SEPTIN14: variants seen among roughly 807,000 people sequenced by gnomAD.
SEPTIN14 encodes the protein septin 14, also known as septin-14.
In SEPTIN14, 40 loss-of-function variants were observed where a neutral mutation model predicts 53.6. The ratio of observed to expected loss-of-function variants is 0.75; its 90% CI spans 0.58 to 0.97. The LOEUF (loss-of-function observed/expected upper bound fraction) is 0.97, where lower values mean the gene tolerates loss of function less well. Ranked by LOEUF, SEPTIN14 falls within the 50% of genes least tolerant of loss-of-function variation. The pLI, the probability that SEPTIN14 is intolerant of heterozygous loss-of-function variation, is 0.00. For missense variants in SEPTIN14, 471 were observed against 508.2 expected (o/e 0.93, Z 0.70); for synonymous variants, 138 against 166.8 (o/e 0.83, Z 1.33).
intron 5 of SEPTIN14, among the ~76,000 whole-genome samples, chr7:55,837,677 G>A (rs1218087573): frequency 6.6e-6 from 1 of 152,072 alleles, no homozygotes; most frequent in Non-Finnish European, 1.5e-5. Flanking sequence ...TCTGCCTGCG[G>A]GTTCAAGCAA....
intron 2 of SEPTIN14, among the ~76,000 whole-genome samples, chr7:55,856,821 C>T (rs546692792): frequency 6.6e-6 from 1 of 152,164 alleles, no homozygotes; most frequent in South Asian, 2.1e-4. Flanking sequence ...ACCCATAATC[C>T]CAACACTTCA....
At chr7:55,817,157 C>T (rs558451744) in intron 7 of SEPTIN14, among the ~76,000 whole-genome samples, 5 of 152,166 alleles carry the variant, frequency 3.3e-5, no homozygotes, top group South Asian at 4.1e-4. Flanking sequence ...GGCATATATA[C>T]GCAATGGAAT....
In SEPTIN14 at chr7:55,857,455, AAGGGG is replaced by A. The variant is rs1452141503; in HGVS notation, c.54+4483_54+4487del. On this transcript the variant is annotated intron_variant, in intron 2 of 9. Coordinates refer to ENST00000388975, the MANE Select transcript of SEPTIN14 (RefSeq NM_207366.3). ...AGAAGAGAGAAAAGGAAAGGAAGGG[AAGGGG>A]AGGGGAGGGGAGAGGAAGGGAGGGG... Among the ~76,000 whole-genome samples, 164 of 116,098 alleles carry A rather than the reference AAGGGG, an allele frequency of 1.4e-3. 3 individuals carry two copies. Among genetic ancestry groups the A allele is most frequent in the Non-Finnish European group, 4.7e-4 (27 of 57,308 alleles). 76.2% of individuals were successfully genotyped at this position (116,098 alleles called of 152,430 possible).
chr7:55,795,359 G>T lies in SEPTIN14; in HGVS notation c.*554C>A. Reference sequence around the variant, plus strand: ...GTGTTTCTTTTGTTTTTTCATTTTGGCAAATATTGATTGAAAGTCATATTT... The same window carrying T: ...GTGTTTCTTTTGTTTTTTCATTTTGTCAAATATTGATTGAAAGTCATATTT... On this transcript the variant is annotated 3_prime_UTR_variant, in exon 10 of 10. Transcript: ENST00000388975. 1 of 153,258 alleles carries T rather than the reference G, an allele frequency of 6.5e-6. No individual in the cohort carries two copies. Among genetic ancestry groups the T allele is most frequent in the Non-Finnish European group, 1.5e-5 (1 of 68,878 alleles). 9.5% of individuals were successfully genotyped at this position (153,258 alleles called of 1,614,324 possible).
intron 5 of SEPTIN14, among the ~76,000 whole-genome samples, chr7:55,842,464 A>G (rs1380414051): frequency 6.6e-6 from 1 of 151,688 alleles, no homozygotes; most frequent in Non-Finnish European, 1.5e-5. Context: ...AAATTAGCCA[A>G]TCTTGGTAGC....
intron 6 of SEPTIN14, among the ~76,000 whole-genome samples, chr7:55,828,723 C>T (rs550043791): frequency 3.3e-5 from 5 of 152,208 alleles, no homozygotes; most frequent in African/African-American, 1.2e-4. Flanking sequence ...ATGTGATTTC[C>T]TTTATAGGTG....
chr7:55,803,509 C>A (rs1343572078), intron 9 of SEPTIN14, among the ~76,000 whole-genome samples: 1 of 152,000 alleles, frequency 6.6e-6, no homozygotes, highest in Non-Finnish European at 1.5e-5. Flanking sequence ...TATGGGTATT[C>A]ATTAAGCAAC....
Position 55,843,061 on chromosome 7 carries a change from T to G in SEPTIN14, c.439A>C (p.Lys147Gln), listed in dbSNP as rs775215220. 1.2e-6 allele frequency: 2 copies of G among 1,608,228 alleles called. No homozygotes were observed. Among genetic ancestry groups the G allele is most frequent in the Non-Finnish European group, 1.7e-6 (2 of 1,177,530 alleles). ...EAYLQEELKI[K>Q]RSLFEYHDSR... ...TCATGGTACTCAAACAAGGAACGTT[T>G]AATCTTCAGTTCTTCTTGAAGATAG... The change falls in exon 5 of 10, where the codon AAA becomes CAA. Residue 147 changes from lysine to glutamine, a missense_variant. By Grantham distance (53) the Lys-to-Gln change is moderately conservative. Coordinates refer to ENST00000388975, the MANE Select transcript of SEPTIN14 (RefSeq NM_207366.3).
At chr7:55,857,627 G>A (rs1219058374) in intron 2 of SEPTIN14, among the ~76,000 whole-genome samples, 1 of 107,170 alleles carries the variant, frequency 9.3e-6, no homozygotes, top group African/African-American at 3.7e-5. Flanking sequence ...TCTCGCTGTC[G>A]CCCAGGCTGG....
At chr7:55,806,971 C>A in intron 8 of SEPTIN14, 119 bp downstream of exon 8, 1 of 728,928 alleles carries the variant, frequency 1.4e-6, no homozygotes. Flanking sequence ...CAGGTGTTTT[C>A]TTTATGATGG....
rs541238335 is a variant in SEPTIN14 at position 55,822,273 on chromosome 7, A to G, written c.721-3050T>C. ...TCAGGGACTATCTAAATAAATGGAG[A>G]GACATTCCATGTACATGGATAGAAA... On this transcript the variant is annotated intron_variant, in intron 6 of 9. Transcript: ENST00000388975. 2.0e-5 allele frequency among the ~76,000 whole-genome samples: 3 copies of G among 152,346 alleles called. No individual in the cohort carries two copies. In the East Asian group the frequency reaches 5.8e-4, roughly 29 times the overall value.
intron 9 of SEPTIN14, 111 bp from the exon 10 acceptor site, chr7:55,796,203 G>T (rs957537017): frequency 2.9e-6 from 2 of 686,576 alleles, no homozygotes; most frequent in African/African-American, 1.8e-5. Context: ...AGTAGAGCAT[G>T]ATCTTAATAA....
rs148185407 is a variant in SEPTIN14 at position 55,831,060 on chromosome 7, C to T, written c.720+3365G>A. On this transcript the variant is annotated intron_variant, in intron 6 of 9. Transcript: ENST00000388975. ...CATTTTTTCACAGAATTAGAAAAAA[C>T]GATCCTAAATATCATATGGAACCAA... Among the ~76,000 whole-genome samples the T allele has an allele frequency of 1.2e-3, 176 of 151,996 alleles. 2 individuals carry two copies. Among genetic ancestry groups the T allele is most frequent in the African/African-American group, 3.9e-3 (162 of 41,478 alleles).
intron 5 of SEPTIN14, among the ~76,000 whole-genome samples, chr7:55,839,451 T>C (rs937840457): frequency 6.6e-6 from 1 of 151,994 alleles, no homozygotes; most frequent in African/African-American, 2.4e-5. Context: ...TAACTTTTAG[T>C]ACAGTGTATT....
At chr7:55,832,053 T>G (rs1789116544) in intron 6 of SEPTIN14, among the ~76,000 whole-genome samples, 1 of 151,942 alleles carries the variant, frequency 6.6e-6, no homozygotes, top group Non-Finnish European at 1.5e-5. Context: ...AATACAAAAA[T>G]TAGCTGGGCA....
chr7:55,819,186 T>C lies in SEPTIN14; in HGVS notation c.758A>G (p.Glu253Gly). 6.3e-7 allele frequency: 1 copy of C among 1,580,404 alleles called. No homozygotes were observed. Among genetic ancestry groups the C allele is most frequent in the Non-Finnish European group, 8.6e-7 (1 of 1,161,998 alleles). ...GACCATCCTTTTTCCAACTTTCACT[T>C]CATCTGTACTCCCTACCACAGCAAA... is the stretch of plus-strand genomic sequence containing the variant. ...LPFAVVGSTD[E>G]VKVGKRMVRG... Residue 253 changes from glutamate to glycine, a missense_variant, in exon 7 of 10, where the codon GAA becomes GGA. By Grantham distance (98) the Glu-to-Gly change is moderately conservative (BLOSUM62 -2). Transcript: ENST00000388975.
chr7:55,816,702 G>A (rs1250567597), intron 7 of SEPTIN14, among the ~76,000 whole-genome samples: 1 of 151,878 alleles, frequency 6.6e-6, no homozygotes, highest in East Asian at 1.9e-4. Flanking sequence ...AGCTACTGAG[G>A]AAGGAGAATT....
intron 7 of SEPTIN14, 31 bp from the exon 8 acceptor site, chr7:55,807,289 A>T (rs756480608): frequency 7.0e-7 from 1 of 1,419,890 alleles, no homozygotes; most frequent in Non-Finnish European, 9.7e-7. Context: ...AATCAACAAC[A>T]TTCAGTATCA....
At chr7:55,822,514 A>G (rs1190325666) in intron 6 of SEPTIN14, among the ~76,000 whole-genome samples, 4 of 151,408 alleles carry the variant, frequency 2.6e-5, no homozygotes, top group African/African-American at 4.9e-5. Context: ...GCAAAGCCAT[A>G]GTAATCAAAA....
Sources: allele counts gnomAD v4.1 joint callset (sites outside exome capture counted in the v4.1 genomes callset), GRCh38; gene constraint gnomAD v4.1.1; transcripts MANE v1.5; gene names NCBI Gene and HGNC (gene_info 2026-07-23, HGNC 2026-07-21).